Variants in ECPAS observed in about 807,000 individuals in gnomAD.
The protein encoded by ECPAS is proteasome adapter and scaffold protein ECM29.
ECPAS carries 70 observed loss-of-function variants against 255.1 expected under a neutral mutation model. That is an observed-to-expected ratio of 0.27 (90% confidence interval 0.23 to 0.33). ECPAS has a LOEUF of 0.33. Ranked by LOEUF, ECPAS falls within the 10% of genes least tolerant of loss-of-function variation. The pLI, the probability that ECPAS is intolerant of heterozygous loss-of-function variation, is 1.00. For missense variants in ECPAS, 1,817 were observed against 2,206.4 expected, an observed-to-expected ratio of 0.82 and a Z score of 3.54; for synonymous variants, 784 against 775.0, an observed-to-expected ratio of 1.01 and a Z score of -0.19.
At chr9:111,395,154 T>C (rs1403915721) in intron 25 of ECPAS, among the ~76,000 whole-genome samples, 1 of 152,148 alleles carries the variant, frequency 6.6e-6, no homozygotes, top group Non-Finnish European at 1.5e-5. Context: ...GTTCTCAGAG[T>C]CAGAATCCCT....
At chr9:111,373,727 G>C (rs539440353) in intron 39 of ECPAS, among the ~76,000 whole-genome samples, 43 of 152,130 alleles carry the variant, frequency 2.8e-4, no homozygotes, top group Non-Finnish European at 2.4e-4. Context: ...TGGAAAAGAG[G>C]ATACTTTTAC....
intron 1 of ECPAS, among the ~76,000 whole-genome samples, chr9:111,476,004 T>C (rs1310615418): frequency 6.6e-6 from 1 of 152,150 alleles, no homozygotes; most frequent in Non-Finnish European, 1.5e-5. Flanking sequence ...AATCTCATCC[T>C]CTAAAAGAGC....
chr9:111,369,150 G>A lies in ECPAS; in HGVS notation c.4998C>T (p.Val1666=), dbSNP rs1156348887. The A allele has an allele frequency of 6.3e-7, 1 of 1,592,086 alleles. No individual in the cohort carries two copies. Among genetic ancestry groups the A allele is most frequent in the South Asian group, 1.1e-5 (1 of 87,202 alleles). Residue 1666 remains valine (V), a synonymous_variant, in exon 46 of 50, where the codon GTC becomes GTT. Transcript: ENST00000684092. The stretch of plus-strand genomic sequence containing the variant: ...TCTCCTCTTCATTTTTGGTTGTCCG[G>A]ACCCCACTGCTTTCAAGTGAGTTCT... ...IKKNSLESSG[V]RTTKNEEENE...
At chr9:111,380,339 AT>A (rs1275221413) in intron 35 of ECPAS, among the ~76,000 whole-genome samples, 1 of 150,012 alleles carries the variant, frequency 6.7e-6, no homozygotes, top group African/African-American at 2.4e-5. Context: ...TTTTGTTGTT[AT>A]TTTTTTGTTT....
At chr9:111,439,096 AG>A (rs1178495925) in intron 6 of ECPAS, among the ~76,000 whole-genome samples, 1 of 152,204 alleles carries the variant, frequency 6.6e-6, no homozygotes, top group Admixed American at 6.5e-5. Context: ...ACCATCTACT[AG>A]GGGAGATGGA....
At chr9:111,447,554 G>A (rs775100944) in intron 3 of ECPAS, among the ~76,000 whole-genome samples, 4 of 152,078 alleles carry the variant, frequency 2.6e-5, no homozygotes, top group South Asian at 2.1e-4. Flanking sequence ...ATAACTTGTG[G>A]AATTCAGATA....
In ECPAS at chr9:111,434,586, T is replaced by C. The variant is rs1036342500; in HGVS notation, c.709-1214A>G. Among the ~76,000 whole-genome samples, 13 of 25,554 alleles carry C rather than the reference T, an allele frequency of 5.1e-4. 1 individual carries two copies. Among genetic ancestry groups the C allele is most frequent in the Non-Finnish European group, 3.6e-4 (4 of 11,110 alleles). 16.8% of individuals were successfully genotyped at this position (25,554 alleles called of 152,430 possible). A position where few individuals can be genotyped will look rare whatever the true frequency, so the allele number is the denominator to read the frequency against. ...CTAGTGTGACAGGATTCCAGTTAAC[T>C]TTTTTTTTTTTTTTTTTTTTTGAGA... On this transcript the variant is annotated intron_variant, in intron 7 of 49. Coordinates refer to ENST00000684092, the MANE Select transcript of ECPAS (RefSeq NM_001364929.1).
chr9:111,446,497 A>T (rs2098253159), intron 3 of ECPAS, among the ~76,000 whole-genome samples: 1 of 152,178 alleles, frequency 6.6e-6, no homozygotes, highest in South Asian at 2.1e-4. Flanking sequence ...GAGATGTTTG[A>T]CACCGACAGC....
intron 1 of ECPAS, among the ~76,000 whole-genome samples, chr9:111,475,313 G>A (rs2098294821): frequency 1.3e-5 from 2 of 152,212 alleles, no homozygotes; most frequent in South Asian, 4.1e-4. Context: ...CAAACCATCT[G>A]AGAACACTGG....
chr9:111,461,934 C>A (rs1363141147), intron 2 of ECPAS, among the ~76,000 whole-genome samples: 1 of 152,178 alleles, frequency 6.6e-6, no homozygotes, highest in African/African-American at 2.4e-5. Context: ...TCTCCTAAGA[C>A]CCACTCGCTA....
intron 3 of ECPAS, among the ~76,000 whole-genome samples, chr9:111,448,197 T>C (rs376455461): frequency 1.3e-5 from 2 of 152,120 alleles, no homozygotes; most frequent in African/African-American, 4.8e-5. Flanking sequence ...ACTTTAAAAA[T>C]AGGTTAATAA....
intron 15 of ECPAS, among the ~76,000 whole-genome samples, chr9:111,421,013 ACTTCCTT>A (rs2098212707): frequency 6.6e-6 from 1 of 152,228 alleles, no homozygotes; most frequent in South Asian, 2.1e-4. Flanking sequence ...CAAGCATCAC[ACTTCCTT>A]GTAAAGTTAC....
rs2098191483 is a variant in ECPAS at position 111,410,073 on chromosome 9, T to C, written c.2518A>G (p.Ser840Gly). Residue 840 changes from serine to glycine, a missense_variant, in exon 23 of 50, where the codon AGT becomes GGT. Coordinates refer to ENST00000684092, the MANE Select transcript of ECPAS (RefSeq NM_001364929.1). ...TKLHLVESLL[S>G]RIPSSKETNK... Reference sequence around the variant, plus strand: ...GTTTCTTTACTGGAAGGTATTCTACTTAGTAAGCTTTCTACAAGATGCAAT... The same window carrying C: ...GTTTCTTTACTGGAAGGTATTCTACCTAGTAAGCTTTCTACAAGATGCAAT... The C allele has an allele frequency of 6.3e-7, 1 of 1,579,230 alleles. No homozygotes were observed. Among genetic ancestry groups the C allele is most frequent in the Non-Finnish European group, 8.6e-7 (1 of 1,161,672 alleles).
intron 24 of ECPAS, among the ~76,000 whole-genome samples, chr9:111,397,445 G>A (rs2131638787): frequency 6.6e-6 from 1 of 152,222 alleles, no homozygotes; most frequent in East Asian, 1.9e-4. Flanking sequence ...GTTCACCTAA[G>A]GAAGACAGAA....
At chr9:111,383,159 T>C in intron 35 of ECPAS, 52 bp downstream of exon 35, 2 of 1,589,452 alleles carry the variant, frequency 1.3e-6, no homozygotes, top group South Asian at 2.2e-5. Flanking sequence ...AGAAACACAA[T>C]TTCTAGGAAC....
chr9:111,440,185 T>C (rs992262461), intron 6 of ECPAS, among the ~76,000 whole-genome samples, 187 bp downstream of exon 6: 1 of 152,028 alleles, frequency 6.6e-6, no homozygotes, highest in Non-Finnish European at 1.5e-5. Context: ...AAAATCACAA[T>C]GGCAACTCAG....
chr9:111,434,947 G>A (rs1034625770), intron 7 of ECPAS, among the ~76,000 whole-genome samples: 1 of 141,958 alleles, frequency 7.0e-6, no homozygotes. Flanking sequence ...CGCCCAGGAT[G>A]GAGTGTCATG....
chr9:111,401,033 A>C (rs2098175174), intron 24 of ECPAS, among the ~76,000 whole-genome samples: 1 of 152,212 alleles, frequency 6.6e-6, no homozygotes, highest in Non-Finnish European at 1.5e-5. Context: ...AGAAGCAAGT[A>C]AGATATAAAG....
intron 2 of ECPAS, among the ~76,000 whole-genome samples, chr9:111,468,689 C>CGTGTGTGT (rs141517725): frequency 6.0e-5 from 9 of 150,020 alleles, no homozygotes; most frequent in African/African-American, 2.2e-4. Context: ...CAAGCTCAAA[C>CGTGTGTGT]GTGTGTGTGT....
Sources: allele counts gnomAD v4.1 joint callset (sites outside exome capture counted in the v4.1 genomes callset), GRCh38; gene constraint gnomAD v4.1.1; transcripts MANE v1.5; gene names NCBI Gene and HGNC (gene_info 2026-07-23, HGNC 2026-07-21).